The following GALNTL6 variants were observed in gnomAD, a reference collection of about 807,000 sequenced individuals.
The protein encoded by GALNTL6 is polypeptide N-acetylgalactosaminyltransferase-like 6.
In GALNTL6, 46 loss-of-function variants were observed where a neutral mutation model predicts 73.7. The ratio of observed to expected loss-of-function variants is 0.62; its 90% confidence interval spans 0.49 to 0.80. The LOEUF is 0.80. Ranked by LOEUF, GALNTL6 falls within the 30% of genes least tolerant of loss-of-function variation. The probability of loss-of-function intolerance (pLI) is 0.00; values close to 1 mark genes in which losing one functional copy is unlikely to be tolerated. For synonymous variants in GALNTL6, 259 were observed against 263.7 expected (o/e 0.98, Z 0.17); for missense variants, 604 against 755.0 (o/e 0.80, Z 2.34).
chr4:172,245,125 G>A (rs978716471), intron 3 of GALNTL6, among the ~76,000 whole-genome samples: 1 of 152,086 alleles, frequency 6.6e-6, no homozygotes, highest in Non-Finnish European at 1.5e-5. Flanking sequence ...AGATTAAATT[G>A]ATTTTATGTC....
rs533380505 is a variant in GALNTL6, at chr4:171,845,619, CA to C, written c.138+30903del. On this transcript the variant is annotated intron_variant, in intron 2 of 12. Coordinates refer to ENST00000506823, the MANE Select transcript of GALNTL6 (RefSeq NM_001034845.3). ...ATTTAGAAAGTAGATGTGCTCTCTA[CA>C]ACCGATTTTTCCCTTCAGCCAGTGG... is the stretch of plus-strand genomic sequence containing the variant. Among the ~76,000 whole-genome samples, 839 of 152,224 alleles carry C rather than the reference CA, an allele frequency of 5.5e-3. 8 individuals are homozygous for C. Among genetic ancestry groups the C allele is most frequent in the Middle Eastern group, 0.01 (3 of 292 alleles).
intron 5 of GALNTL6, among the ~76,000 whole-genome samples, chr4:172,631,204 T>A (rs531595104): frequency 6.6e-6 from 1 of 152,060 alleles, no homozygotes; most frequent in Admixed American, 6.6e-5. Flanking sequence ...TGCAGTGGCA[T>A]GATCTCGGCT....
chr4:172,716,360 G>A (rs1388263169), intron 5 of GALNTL6, among the ~76,000 whole-genome samples: 2 of 152,164 alleles, frequency 1.3e-5, no homozygotes, highest in African/African-American at 2.4e-5. Flanking sequence ...TGAGCTTACC[G>A]AAATGTAAAT....
At chr4:171,895,848 C>A (rs1736897562) in intron 2 of GALNTL6, among the ~76,000 whole-genome samples, 2 of 148,784 alleles carry the variant, frequency 1.3e-5, no homozygotes, top group Non-Finnish European at 3.0e-5. Flanking sequence ...GAAATATGAG[C>A]AAAGAAATAA....
chr4:172,225,810 A>G (rs1226576071), intron 2 of GALNTL6, among the ~76,000 whole-genome samples: 1 of 152,088 alleles, frequency 6.6e-6, no homozygotes, highest in African/African-American at 2.4e-5. Flanking sequence ...ATAATTAAAA[A>G]TAACTAGTTC....
chr4:172,869,525 G>C (rs1744819339), intron 7 of GALNTL6, among the ~76,000 whole-genome samples: 1 of 152,182 alleles, frequency 6.6e-6, no homozygotes, highest in East Asian at 1.9e-4. Context: ...CACGAGAAAA[G>C]CGGGGTGGGC....
At chr4:172,282,459 TG>T (rs1298364726) in intron 3 of GALNTL6, among the ~76,000 whole-genome samples, 1 of 152,152 alleles carries the variant, frequency 6.6e-6, no homozygotes, top group East Asian at 1.9e-4. Flanking sequence ...TGTTATAAAT[TG>T]GGGGAAAGAC....
chr4:172,045,784 A>G (rs1486159721), intron 2 of GALNTL6, among the ~76,000 whole-genome samples: 1 of 151,694 alleles, frequency 6.6e-6, no homozygotes. Flanking sequence ...AAGAAAAAAG[A>G]AAAACTAAAC....
At chr4:172,965,581 CA>C (rs1032984050) in intron 10 of GALNTL6, among the ~76,000 whole-genome samples, 1 of 131,762 alleles carries the variant, frequency 7.6e-6, no homozygotes, top group African/African-American at 2.8e-5. Flanking sequence ...GACTCTGTCT[CA>C]AAAAAATAAA....
chr4:171,903,008 A>G (rs1351681342), intron 2 of GALNTL6, among the ~76,000 whole-genome samples: 1 of 152,178 alleles, frequency 6.6e-6, no homozygotes, highest in Non-Finnish European at 1.5e-5. Flanking sequence ...CATTACAGCT[A>G]TTCATGCAGT....
chr4:172,893,213 T>C (rs1746132846), intron 8 of GALNTL6, among the ~76,000 whole-genome samples: 1 of 152,098 alleles, frequency 6.6e-6, no homozygotes, highest in African/African-American at 2.4e-5. Context: ...GCTGTAGGGA[T>C]CCCTGAGGAA....
At chr4:172,467,583 C>T (rs944889443) in intron 5 of GALNTL6, among the ~76,000 whole-genome samples, 27 of 152,252 alleles carry the variant, frequency 1.8e-4, no homozygotes, top group African/African-American at 5.1e-4. Flanking sequence ...CTTGAGGTAT[C>T]TTCCTGGTAC....
At chr4:172,358,336 A>G (rs929151073) in intron 5 of GALNTL6, among the ~76,000 whole-genome samples, 6 of 152,222 alleles carry the variant, frequency 3.9e-5, no homozygotes, top group East Asian at 1.9e-4. Context: ...AAGTCCCCCA[A>G]TATAGAGAAA....
In GALNTL6 at chr4:172,694,298, C is replaced by A. The variant is rs185120935; in HGVS notation, c.554-115063C>A. 4.6e-5 allele frequency among the ~76,000 whole-genome samples: 7 copies of A among 152,188 alleles called. No individual in the cohort carries two copies. In the East Asian group the frequency reaches 1.2e-3, roughly 25 times the overall value. On this transcript the variant is annotated intron_variant, in intron 5 of 12. Transcript: ENST00000506823. ...TCCTAATGTTCTCCCTCCCCTTGCC[C>A]CCAATACCCCAACAGGCCCCAGTGT... is the stretch of plus-strand genomic sequence containing the variant.
At chr4:172,395,165 G>C (rs531323917) in intron 5 of GALNTL6, among the ~76,000 whole-genome samples, 39 of 152,194 alleles carry the variant, frequency 2.6e-4, no homozygotes, top group African/African-American at 7.5e-4. Flanking sequence ...TGTCCAAAGA[G>C]GCCATCACTA....
intron 2 of GALNTL6, among the ~76,000 whole-genome samples, chr4:172,083,066 T>C (rs1731927200): frequency 6.6e-6 from 1 of 152,200 alleles, no homozygotes; most frequent in African/African-American, 2.4e-5. Flanking sequence ...ACAAAAACTT[T>C]AGTGTTATCT....
At chr4:172,904,421 C>T (rs1032040497) in intron 8 of GALNTL6, among the ~76,000 whole-genome samples, 1 of 152,158 alleles carries the variant, frequency 6.6e-6, no homozygotes, top group Non-Finnish European at 1.5e-5. Flanking sequence ...GGCACTGCTG[C>T]CTTTGCATGG....
intron 2 of GALNTL6, among the ~76,000 whole-genome samples, chr4:172,211,214 G>A (rs568947301): frequency 6.6e-6 from 1 of 152,256 alleles, no homozygotes; most frequent in African/African-American, 2.4e-5. Flanking sequence ...TCCCCAAGGA[G>A]CCCTGGTTTC....
chr4:172,765,370 A>G (rs1006987751), intron 5 of GALNTL6, among the ~76,000 whole-genome samples: 1 of 152,194 alleles, frequency 6.6e-6, no homozygotes, highest in African/African-American at 2.4e-5. Context: ...TTGGCATTTT[A>G]GAGGAAAATT....
Sources: allele counts gnomAD v4.1 joint callset (sites outside exome capture counted in the v4.1 genomes callset), GRCh38; gene constraint gnomAD v4.1.1; transcripts MANE v1.5; gene names NCBI Gene and HGNC (gene_info 2026-07-23, HGNC 2026-07-21).